Variants in FHIT observed in about 807,000 individuals in gnomAD.
The protein encoded by FHIT is fragile histidine triad diadenosine triphosphatase, also known as bis(5'-adenosyl)-triphosphatase.
In FHIT, 19 loss-of-function variants were observed where a neutral mutation model predicts 17.9. That is an observed-to-expected ratio of 1.06 (90% CI 0.74 to 1.56). The LOEUF is 1.56. FHIT is among the 40% of genes most tolerant of loss of function. FHIT has a pLI of 0.00. For missense variants in FHIT, 248 were observed against 189.2 expected, an observed-to-expected ratio of 1.31 and a Z score of -1.82; for synonymous variants, 81 against 69.7, an observed-to-expected ratio of 1.16 and a Z score of -0.81.
chr3:60,995,155 C>G (rs915223935), intron 3 of FHIT, among the ~76,000 whole-genome samples: 101 of 151,940 alleles, frequency 6.6e-4, no homozygotes, highest in African/African-American at 2.4e-3. Context: ...CCTGTCTCTA[C>G]TAAGAAATAG....
intron 7 of FHIT, among the ~76,000 whole-genome samples, chr3:59,934,360 A>C (rs1211647792): frequency 6.6e-6 from 1 of 152,088 alleles, no homozygotes; most frequent in Admixed American, 6.6e-5. Context: ...TAAAAGTTCT[A>C]AGCCCACTGC....
chr3:60,529,477 T>C (rs2035691972), intron 5 of FHIT, among the ~76,000 whole-genome samples: 1 of 152,214 alleles, frequency 6.6e-6, no homozygotes, highest in Non-Finnish European at 1.5e-5. Flanking sequence ...CAAATGGAAA[T>C]TAGAATATAT....
chr3:59,858,525 C>G (rs1702272821), intron 8 of FHIT, among the ~76,000 whole-genome samples: 1 of 152,080 alleles, frequency 6.6e-6, no homozygotes, highest in Admixed American at 6.5e-5. Flanking sequence ...CGTGCCCAGC[C>G]TTTTCCCTTT....
At chr3:60,957,064 C>T (rs1030159251) in intron 3 of FHIT, among the ~76,000 whole-genome samples, 2 of 151,986 alleles carry the variant, frequency 1.3e-5, no homozygotes, top group Admixed American at 1.3e-4. Flanking sequence ...CACACATCAG[C>T]TAAACTTCTA....
At chr3:59,992,760 T>C (rs3772500) in intron 7 of FHIT, among the ~76,000 whole-genome samples, 50,730 of 151,798 alleles carry the variant, frequency 0.33, 10,248 homozygotes, top group East Asian at 0.54. Flanking sequence ...GCCACAGACA[T>C]TGACATGCAG....
In FHIT at chr3:61,205,067, C is replaced by T. The variant is rs960142249; in HGVS notation, c.-212-4402G>A. Reference sequence around the variant, plus strand: ...ATTCCCACCTATGAGTGAGAACATGCGCTGTTTGGTGTTTTGTCCTTGTGA... The same window carrying T: ...ATTCCCACCTATGAGTGAGAACATGTGCTGTTTGGTGTTTTGTCCTTGTGA... On this transcript the variant is annotated intron_variant, in intron 1 of 9. Transcript: ENST00000492590. Among the ~76,000 whole-genome samples, 18 of 148,948 alleles carry T rather than the reference C, an allele frequency of 1.2e-4. No individual in the cohort carries two copies. In the East Asian group the frequency reaches 1.6e-3, roughly 13 times the overall value.
intron 5 of FHIT, among the ~76,000 whole-genome samples, chr3:60,473,606 T>A (rs2033196402): frequency 6.6e-6 from 1 of 152,150 alleles, no homozygotes; most frequent in Non-Finnish European, 1.5e-5. Context: ...AAATACTGAT[T>A]TGAGGTACTT....
intron 5 of FHIT, among the ~76,000 whole-genome samples, chr3:60,400,729 T>G (rs1701626845): frequency 6.6e-6 from 1 of 152,054 alleles, no homozygotes; most frequent in Non-Finnish European, 1.5e-5. Flanking sequence ...CATTTGCACT[T>G]AGATCATTAG....
At chr3:59,874,802 T>C (rs1703079551) in intron 8 of FHIT, among the ~76,000 whole-genome samples, 1 of 152,216 alleles carries the variant, frequency 6.6e-6, no homozygotes, top group African/African-American at 2.4e-5. Context: ...TTTTCCCCTT[T>C]AGAGCCACAA....
chr3:60,151,643 C>T (rs1322475796), intron 5 of FHIT, among the ~76,000 whole-genome samples: 1 of 152,132 alleles, frequency 6.6e-6, no homozygotes, highest in African/African-American at 2.4e-5. Flanking sequence ...CACAAAGCTT[C>T]AGCCCCACTG....
intron 2 of FHIT, among the ~76,000 whole-genome samples, chr3:61,046,093 G>T (rs1391867010): frequency 2.0e-5 from 3 of 151,802 alleles, no homozygotes; most frequent in African/African-American, 7.3e-5. Flanking sequence ...GAGAAGCAAG[G>T]GCAAAGAAAT....
intron 5 of FHIT, among the ~76,000 whole-genome samples, chr3:60,474,666 C>G (rs950355565): frequency 3.3e-5 from 5 of 151,916 alleles, no homozygotes; most frequent in African/African-American, 9.7e-5. Context: ...TCTTATCACC[C>G]AGGCTGGAGT....
chr3:59,995,292 A>G (rs1049797973), intron 7 of FHIT, among the ~76,000 whole-genome samples: 3 of 152,110 alleles, frequency 2.0e-5, no homozygotes, highest in Non-Finnish European at 4.4e-5. Flanking sequence ...GCTCTCTTGA[A>G]TCTAACTGAA....
At chr3:60,215,076 C>A (rs1392356917) in intron 5 of FHIT, among the ~76,000 whole-genome samples, 1 of 152,094 alleles carries the variant, frequency 6.6e-6, no homozygotes, top group African/African-American at 2.4e-5. Flanking sequence ...ACGATACTCA[C>A]TACCTGGGTG....
At chr3:60,383,669 AT>A (rs895601790) in intron 5 of FHIT, among the ~76,000 whole-genome samples, 27 of 151,962 alleles carry the variant, frequency 1.8e-4, no homozygotes, top group African/African-American at 6.0e-4. Context: ...AAAAAAAAAA[AT>A]CATTTTGTCT....
chr3:60,472,168 AAG>A (rs2033121497), intron 5 of FHIT, among the ~76,000 whole-genome samples: 1 of 149,436 alleles, frequency 6.7e-6, no homozygotes, highest in African/African-American at 2.5e-5. Flanking sequence ...AAAAAAAAAA[AAG>A]AGCAAAAACA....
In FHIT at chr3:60,013,864, T is replaced by C. The variant is rs1445071728; in HGVS notation, c.249+143A>G. On this transcript the variant is annotated intron_variant, in intron 6 of 9. Coordinates refer to ENST00000492590, the MANE Select transcript of FHIT (RefSeq NM_002012.4). Reference sequence around the variant, plus strand: ...GGGCCAATGGACAGTAGGGTTGCCCTGCATTAGAAATCTCTTTTTTTGGCT... The same window carrying C: ...GGGCCAATGGACAGTAGGGTTGCCCCGCATTAGAAATCTCTTTTTTTGGCT... 1.6e-5 allele frequency: 13 copies of C among 805,328 alleles called. No individual in the cohort carries two copies. The South Asian group carries it at 2.2e-4, about 14-fold the overall frequency. The allele number at this position is 805,328 out of a possible 1,614,324, so 49.9% of individuals were successfully genotyped here.
intron 3 of FHIT, among the ~76,000 whole-genome samples, chr3:60,929,917 C>G (rs1707856163): frequency 6.6e-6 from 1 of 152,146 alleles, no homozygotes; most frequent in Admixed American, 6.5e-5. Flanking sequence ...CAATCCTAAG[C>G]CAAAAGAACA....
intron 5 of FHIT, among the ~76,000 whole-genome samples, chr3:60,071,786 G>A (rs1702783053): frequency 1.3e-5 from 2 of 152,156 alleles, no homozygotes; most frequent in African/African-American, 2.4e-5. Context: ...TTATGAGATG[G>A]ACCCGGTGAG....
Sources: allele counts gnomAD v4.1 joint callset (sites outside exome capture counted in the v4.1 genomes callset), GRCh38; gene constraint gnomAD v4.1.1; transcripts MANE v1.5; gene names NCBI Gene and HGNC (gene_info 2026-07-23, HGNC 2026-07-21).